Variants in NCF4 observed in about 807,000 individuals in gnomAD.
NCF4 encodes neutrophil cytosolic factor 4, also known as neutrophil cytosol factor 4.
A neutral mutation model predicts 41.7 loss-of-function variants in NCF4; 30 were observed. The ratio of observed to expected loss-of-function variants is 0.72; its 90% CI spans 0.54 to 0.97. The LOEUF is 0.97. Among genes scored for constraint, NCF4 ranks in the 50% least tolerant of loss-of-function variants. The probability of loss-of-function intolerance (pLI) is 0.00; values close to 1 mark genes in which losing one functional copy is unlikely to be tolerated. For missense variants in NCF4, 432 were observed against 460.9 expected (o/e 0.94, Z 0.57); for synonymous variants, 195 against 175.8 (o/e 1.11, Z -0.87).
intron 3 of NCF4, among the ~76,000 whole-genome samples, chr22:36,866,648 C>T (rs1939933768): frequency 6.6e-6 from 1 of 152,180 alleles, no homozygotes; most frequent in African/African-American, 2.4e-5. Flanking sequence ...CTGTCCATCT[C>T]CTGGACACCA....
intron 4 of NCF4, among the ~76,000 whole-genome samples, chr22:36,867,863 A>G (rs1939965423): frequency 6.6e-6 from 1 of 152,288 alleles, no homozygotes; most frequent in East Asian, 1.9e-4. Flanking sequence ...TGCCTCCATC[A>G]TGGGGGTGTG....
chr22:36,866,722 T>C (rs576647912), intron 3 of NCF4, among the ~76,000 whole-genome samples: 1 of 152,320 alleles, frequency 6.6e-6, no homozygotes, highest in African/African-American at 2.4e-5. Flanking sequence ...GTTCCACCAG[T>C]GCGCCCACAT....
rs185937361 is a variant in NCF4, at chr22:36,867,903, C to T, written c.342+441C>T. Among the ~76,000 whole-genome samples the T allele has an allele frequency of 6.6e-5, 10 of 152,326 alleles. No individual in the cohort carries two copies. The East Asian group carries it at 1.7e-3, about 26-fold the overall frequency. ...AGCAGGCCGCAGGTTGCTCATATAG[C>T]ATCTTTGTGCAAACTAGAGTAGGCC... is the stretch of plus-strand genomic sequence containing the variant. On this transcript the variant is annotated intron_variant, in intron 4 of 9. Transcript: ENST00000248899.
At chr22:36,867,976 G>A (rs1025762169) in intron 4 of NCF4, among the ~76,000 whole-genome samples, 2 of 152,220 alleles carry the variant, frequency 1.3e-5, no homozygotes, top group Non-Finnish European at 1.5e-5. Flanking sequence ...CTGGATTTTA[G>A]CTACACTCAT....
At chr22:36,866,391 C>G (rs145133321) in intron 3 of NCF4, among the ~76,000 whole-genome samples, 3,071 of 152,234 alleles carry the variant, frequency 0.02, 101 homozygotes, top group African/African-American at 0.07. Flanking sequence ...ACCAGTGTCT[C>G]CCAATCCCCT....
At chr22:36,868,577 A>AGCTGGG (rs1939981886) in intron 4 of NCF4, among the ~76,000 whole-genome samples, 1 of 144,720 alleles carries the variant, frequency 6.9e-6, no homozygotes, top group African/African-American at 2.6e-5. Flanking sequence ...GAGGGAGGGG[A>AGCTGGG]GCTGGGTGGG....
intron 6 of NCF4, chr22:36,872,023 A>C: frequency 1.5e-6 from 1 of 655,878 alleles, no homozygotes; most frequent in South Asian, 1.7e-5. Context: ...GATGACTCAG[A>C]CAAGGCCCAG....
intron 9 of NCF4, among the ~76,000 whole-genome samples, chr22:36,876,748 T>C (rs1473409285): frequency 6.6e-6 from 1 of 152,200 alleles, no homozygotes; most frequent in Non-Finnish European, 1.5e-5. Context: ...CTAAACAACA[T>C]TGTACAGACC....
rs569951902 is a variant in NCF4 at position 36,863,114 on chromosome 22, C to T, written c.33-931C>T. Reference sequence around the variant, plus strand: ...GCCCCACAGGCAGCCAGGCCATTCTCATGCTGCCCATCAAAAAACTCTATA... The same window carrying T: ...GCCCCACAGGCAGCCAGGCCATTCTTATGCTGCCCATCAAAAAACTCTATA... On this transcript the variant is annotated intron_variant, in intron 1 of 9. Coordinates refer to ENST00000248899, the MANE Select transcript of NCF4 (RefSeq NM_000631.5). Among the ~76,000 whole-genome samples, 6 of 152,296 alleles carry T rather than the reference C, an allele frequency of 3.9e-5. No homozygotes were observed. The East Asian group carries it at 7.7e-4, about 20-fold the overall frequency.
intron 4 of NCF4, among the ~76,000 whole-genome samples, chr22:36,869,742 C>T (rs1940008461): frequency 6.6e-6 from 1 of 152,170 alleles, no homozygotes; most frequent in Admixed American, 6.5e-5. Flanking sequence ...GAAACAAGGA[C>T]ACTAGGGCTC....
At chr22:36,869,228 C>G (rs1569112956) in intron 4 of NCF4, among the ~76,000 whole-genome samples, 1 of 152,212 alleles carries the variant, frequency 6.6e-6, no homozygotes, top group Non-Finnish European at 1.5e-5. Context: ...ATGAAAATCA[C>G]AGTAACAATG....
chr22:36,877,182 G>A (rs1325420435), intron 9 of NCF4, among the ~76,000 whole-genome samples: 1 of 151,894 alleles, frequency 6.6e-6, no homozygotes, highest in Admixed American at 6.6e-5. Flanking sequence ...TGTTGCCCAG[G>A]CTGGAGTGCA....
In NCF4 at chr22:36,864,243, T is replaced by C. The variant is rs541796427; in HGVS notation, c.117+114T>C. 12 of 926,208 alleles carry C rather than the reference T, an allele frequency of 1.3e-5. No individual in the cohort carries two copies. The African/African-American group carries it at 1.9e-4, about 15-fold the overall frequency. The allele number at this position is 926,208 out of a possible 1,614,324, so 57.4% of individuals were successfully genotyped here. ...CAATTCTCTGATCTCTTAACTTCTA[T>C]CTCAGTGGTTCTCAACAGGACCGAT... On this transcript the variant is annotated intron_variant, in intron 2 of 9. Coordinates refer to ENST00000248899, the MANE Select transcript of NCF4 (RefSeq NM_000631.5).
At chr22:36,871,302 GA>G (rs1430559706) in intron 5 of NCF4, among the ~76,000 whole-genome samples, 1 of 152,224 alleles carries the variant, frequency 6.6e-6, no homozygotes, top group Non-Finnish European at 1.5e-5. Context: ...TGAAAAATTA[GA>G]AACAGTCACA....
chr22:36,877,567 CCT>C, intron 9 of NCF4, 59 bp from the exon 10 acceptor site: 2 of 1,582,018 alleles, frequency 1.3e-6, no homozygotes, highest in South Asian at 1.1e-5. Context: ...CTTTTCACCC[CCT>C]CTCCCTACCC....
chr22:36,864,390 T>C (rs1026088553), intron 2 of NCF4, among the ~76,000 whole-genome samples: 2 of 152,236 alleles, frequency 1.3e-5, no homozygotes, highest in African/African-American at 2.4e-5. Flanking sequence ...ATGACAGCCC[T>C]GTCCCCAGTA....
At chr22:36,876,132 C>G in intron 9 of NCF4, 38 bp downstream of exon 9, 1 of 1,548,144 alleles carries the variant, frequency 6.5e-7, no homozygotes, top group Non-Finnish European at 8.8e-7. Flanking sequence ...GTTAGATACT[C>G]TGGAGAAGAG....
At position 36,861,183 on chromosome 22, in the gene NCF4, C is replaced by A. The variant is rs1456503384; in HGVS notation, c.12C>A (p.Ala4=). The part of the protein sequence containing the change: MAV[A]QQLRAESDFE... ...GACCATCGCCCACCATGGCTGTGGCCCAGCAGCTGCGGGCCGAGAGGTGAG... is the reference window on the plus strand; with the variant it reads ...GACCATCGCCCACCATGGCTGTGGCACAGCAGCTGCGGGCCGAGAGGTGAG... The change falls in exon 1 of 10, where the codon GCC becomes GCA. Residue 4 remains alanine (A), a synonymous_variant. Transcript: ENST00000248899. 2.0e-5 allele frequency: 31 copies of A among 1,551,478 alleles called. No individual in the cohort carries two copies. Among genetic ancestry groups the A allele is most frequent in the Non-Finnish European group, 2.7e-5 (31 of 1,146,824 alleles).
rs765278988 is a variant in NCF4, at chr22:36,871,643, T to C, written c.471-9T>C. 1.7e-5 allele frequency: 26 copies of C among 1,562,934 alleles called. 1 individual carries two copies. In the Admixed American group the frequency reaches 3.1e-4, roughly 18 times the overall value. On this transcript the variant is annotated splice_polypyrimidine_tract_variant and intron_variant, in intron 5 of 9. Transcript: ENST00000248899. Reference sequence around the variant, plus strand: ...ACAGGGCTAACAAGCCCCTCTTCTCTCTCCACAGCAAGAGCGTGTCCCCAC... The same window carrying C: ...ACAGGGCTAACAAGCCCCTCTTCTCCCTCCACAGCAAGAGCGTGTCCCCAC...
Sources: allele counts gnomAD v4.1 joint callset (sites outside exome capture counted in the v4.1 genomes callset), GRCh38; gene constraint gnomAD v4.1.1; transcripts MANE v1.5; gene names NCBI Gene and HGNC (gene_info 2026-07-23, HGNC 2026-07-21).